The following BCL11B variants were observed in gnomAD, a reference collection of about 807,000 sequenced individuals.
BCL11B encodes the protein BCL11 transcription factor B.
Under a neutral mutation model 49.9 loss-of-function variants are expected in BCL11B, and 8 were observed. That is an observed-to-expected ratio of 0.16 (90% CI 0.09 to 0.29). The LOEUF (loss-of-function observed/expected upper bound fraction) is 0.29, where lower values mean the gene tolerates loss of function less well. BCL11B is among the 10% of genes least tolerant of loss of function. The pLI is 1.00. For missense variants in BCL11B, 1,006 were observed against 1,351.0 expected (o/e 0.74, Z 4.00); for synonymous variants, 739 against 637.4 (o/e 1.16, Z -2.40).
At chr14:99,199,873 A>G (rs926587911) in intron 3 of BCL11B, among the ~76,000 whole-genome samples, 8 of 152,230 alleles carry the variant, frequency 5.3e-5, no homozygotes, top group African/African-American at 1.7e-4. Context: ...TTATTTAAAT[A>G]TATTCGAACG....
chr14:99,222,048 G>T (rs1888024900), intron 3 of BCL11B, among the ~76,000 whole-genome samples: 1 of 152,206 alleles, frequency 6.6e-6, no homozygotes, highest in African/African-American at 2.4e-5. Flanking sequence ...AAAGTGGCCA[G>T]CCTTGATTAT....
In BCL11B at chr14:99,228,100, G is replaced by A. The variant is rs994708073; in HGVS notation, c.640+3245C>T. 6.6e-6 allele frequency among the ~76,000 whole-genome samples: 1 copy of A among 152,190 alleles called. No homozygotes were observed. Among genetic ancestry groups the A allele is most frequent in the Non-Finnish European group, 1.5e-5 (1 of 68,036 alleles). On this transcript the variant is annotated intron_variant, in intron 3 of 3. Coordinates refer to ENST00000357195, the MANE Select transcript of BCL11B (RefSeq NM_138576.4). This position sits in a 1 kb window ranked among gnomAD's most constrained non-coding sequence, Gnocchi z 4.8. Reference sequence around the variant, plus strand: ...GCGGTAACAGGCACGCAATTAACCTGTGTGAAACACGTTTACACTGGGGTT... The same window carrying A: ...GCGGTAACAGGCACGCAATTAACCTATGTGAAACACGTTTACACTGGGGTT...
chr14:99,234,880 A>AG (rs1555382489), intron 2 of BCL11B, among the ~76,000 whole-genome samples: 8,868 of 117,824 alleles, frequency 0.075, 485 homozygotes, highest in Non-Finnish European at 0.087. Flanking sequence ...AAAAAAAAAA[A>AG]GTCTAAAAAT....
intron 1 of BCL11B, among the ~76,000 whole-genome samples, chr14:99,266,188 C>A (rs1253253716): frequency 6.6e-6 from 1 of 152,186 alleles, no homozygotes; most frequent in Non-Finnish European, 1.5e-5. Context: ...TCAGTGGGAA[C>A]ATTACCTAAT....
At chr14:99,188,078 T>C (rs1471641055) in intron 3 of BCL11B, among the ~76,000 whole-genome samples, 1 of 152,194 alleles carries the variant, frequency 6.6e-6, no homozygotes, top group African/African-American at 2.4e-5. Flanking sequence ...TGAGTGGCGT[T>C]AGAGCAAAAG....
Position 99,173,969 on chromosome 14 carries a change from TAATC to T in BCL11B, c.*178_*181del. The T allele has an allele frequency of 3.3e-6, 2 of 613,142 alleles. No individual in the cohort carries two copies. Among genetic ancestry groups the T allele is most frequent in the Middle Eastern group, 4.4e-4 (1 of 2,278 alleles). 38.0% of individuals were successfully genotyped at this position (613,142 alleles called of 1,614,324 possible). A position where few individuals can be genotyped will look rare whatever the true frequency, so the allele number is the denominator to read the frequency against. On this transcript the variant is annotated 3_prime_UTR_variant, in exon 4 of 4. Transcript: ENST00000357195. The stretch of plus-strand genomic sequence containing the variant: ...AAAGGCTCCACAATTTGTACTGCCT[TAATC>T]AACCCTCGGGTTTCCATAGGACTTC...
At position 99,253,465 on chromosome 14, in the gene BCL11B, C is replaced by T. The variant is rs74443673; in HGVS notation, c.427+4006G>A. ...ATGCGGCGGAGGAGGGAAAGCCGAG[C>T]GCCAGGAAAAGCTCCTATTTGCAGC... On this transcript the variant is annotated intron_variant, in intron 2 of 3. Coordinates refer to ENST00000357195, the MANE Select transcript of BCL11B (RefSeq NM_138576.4). 6.5e-3 allele frequency among the ~76,000 whole-genome samples: 990 copies of T among 152,276 alleles called. 10 individuals carry two copies. Among genetic ancestry groups the T allele is most frequent in the African/African-American group, 0.023 (935 of 41,540 alleles).
rs1566793962 is a variant in BCL11B at position 99,175,275 on chromosome 14, C to G, written c.1561G>C (p.Glu521Gln). ...TCGTGGCCCAGCGACGGGTCGCTCT[C>G]GTGGTGGCGGAAGTCACCGTCGGCC... Reference protein sequence around the residue: ...KAADGDFRHHESDPSLGHEPE... With the variant: ...KAADGDFRHHQSDPSLGHEPE... Residue 521 changes from glutamate to glutamine, a missense_variant, in exon 4 of 4, where the codon GAG becomes CAG. Physicochemically the swap from Glu to Gln is conservative, Grantham distance 29 (BLOSUM62 2). This residue lies in a region of BCL11B where 443 missense variants were observed against 499.7 expected (regional missense o/e 0.89). Transcript: ENST00000357195. 6.5e-7 allele frequency: 1 copy of G among 1,541,078 alleles called. No homozygotes were observed. The highest frequency in any genetic ancestry group is 1.9e-5 in the Admixed American group (1 of 51,458).
intron 3 of BCL11B, among the ~76,000 whole-genome samples, chr14:99,185,112 T>C (rs1171639911): frequency 2.6e-5 from 4 of 152,092 alleles, no homozygotes; most frequent in Admixed American, 1.3e-4. Flanking sequence ...CAAGTGACTT[T>C]TGAGTACCTG....
At chr14:99,183,412 C>T (rs1295615749) in intron 3 of BCL11B, among the ~76,000 whole-genome samples, 1 of 152,166 alleles carries the variant, frequency 6.6e-6, no homozygotes, top group Non-Finnish European at 1.5e-5. Flanking sequence ...CACCAGCCTG[C>T]AACATGGTGA....
chr14:99,253,109 T>C (rs1889054675), intron 2 of BCL11B, among the ~76,000 whole-genome samples: 1 of 151,996 alleles, frequency 6.6e-6, no homozygotes, highest in African/African-American at 2.4e-5. Flanking sequence ...AAAAAGGAGG[T>C]GCAGACGAGG....
intron 2 of BCL11B, among the ~76,000 whole-genome samples, chr14:99,239,576 C>A (rs1009495900): frequency 6.6e-6 from 1 of 152,154 alleles, no homozygotes; most frequent in Non-Finnish European, 1.5e-5. Flanking sequence ...ACTCACATGT[C>A]ACACAAGGCA....
rs549637836 is a variant in BCL11B, at chr14:99,174,924, C to T, written c.1912G>A (p.Asp638Asn). Residue 638 changes from aspartate (D) to asparagine (N), a missense_variant, in exon 4 of 4, where the codon GAC becomes AAC. Physicochemically the swap from Asp to Asn is conservative, Grantham distance 23. Around this residue, in one of 6 missense-constraint regions of BCL11B, gnomAD observed 443 missense variants for 499.7 expected, o/e 0.89. Transcript: ENST00000357195. ...AGGGDAGDDD[D>N]AGGCGDAGAG... ...CCCGCGTCCCCGCAGCCGCCCGCGT[C>T]GTCGTCGTCGCCCGCGTCCCCGCCG... 8 of 1,261,296 alleles carry T rather than the reference C, an allele frequency of 6.3e-6. No homozygotes were observed. In the South Asian group the frequency reaches 1.2e-4, roughly 19 times the overall value. The allele number at this position is 1,261,296 out of a possible 1,614,324, so 78.1% of individuals were successfully genotyped here. A position where few individuals can be genotyped will look rare whatever the true frequency, so the allele number is the denominator to read the frequency against.
chr14:99,210,801 A>G (rs891714397), intron 3 of BCL11B, among the ~76,000 whole-genome samples: 1 of 152,144 alleles, frequency 6.6e-6, no homozygotes, highest in African/African-American at 2.4e-5. Flanking sequence ...CGTGCGGAGG[A>G]GCCTGAGGTG....
At chr14:99,209,218 A>G (rs1331086056) in intron 3 of BCL11B, among the ~76,000 whole-genome samples, 1 of 152,118 alleles carries the variant, frequency 6.6e-6, no homozygotes, top group Non-Finnish European at 1.5e-5. Context: ...CAGAGTCACA[A>G]TGAGGACTCT....
At chr14:99,249,907 C>G (rs1302834490) in intron 2 of BCL11B, among the ~76,000 whole-genome samples, 1 of 152,050 alleles carries the variant, frequency 6.6e-6, no homozygotes, top group Admixed American at 6.6e-5. Context: ...GCGGGTGGAT[C>G]ACCTGAATAC....
Position 99,271,311 on chromosome 14 carries a change from CGCT to C in BCL11B, c.-96_-94del, listed in dbSNP as rs1481451561. On this transcript the variant is annotated 5_prime_UTR_variant, in exon 1 of 4. Coordinates refer to ENST00000357195, the MANE Select transcript of BCL11B (RefSeq NM_138576.4). ...CGAGCCGCCGCCGCGCCGCTGCCGC[CGCT>C]GCCGCCGCCGCCGCCGCCGCCGCAC... 89 of 895,592 alleles carry C rather than the reference CGCT, an allele frequency of 9.9e-5. No homozygotes were observed. The African/African-American group carries it at 1.4e-3, about 14-fold the overall frequency. 55.5% of individuals were successfully genotyped at this position (895,592 alleles called of 1,614,324 possible).
At chr14:99,185,135 G>A (rs1886814369) in intron 3 of BCL11B, among the ~76,000 whole-genome samples, 1 of 152,080 alleles carries the variant, frequency 6.6e-6, no homozygotes, top group Non-Finnish European at 1.5e-5. Context: ...GAGGAGGCAG[G>A]CAGCAAAACT....
chr14:99,197,914 A>C (rs1887225307), intron 3 of BCL11B, among the ~76,000 whole-genome samples: 1 of 152,200 alleles, frequency 6.6e-6, no homozygotes, highest in Non-Finnish European at 1.5e-5. Flanking sequence ...GCCGCAAGCC[A>C]GGTATGGAAA....
Sources: gnomAD v4.1 joint callset for allele counts (sites outside exome capture counted in the v4.1 genomes callset) on GRCh38, gnomAD v4.1.1 for gene constraint, gnomAD v4.1.1 regional missense constraint, Gnocchi (gnomAD v3.1) non-coding constraint, MANE v1.5 for transcripts, NCBI Gene and HGNC (gene_info 2026-07-23, HGNC 2026-07-21) for gene names.